TSPAN9: variants seen among roughly 807,000 people sequenced by gnomAD.
The protein encoded by TSPAN9 is tetraspanin-9.
TSPAN9 carries 16 observed loss-of-function variants against 31.0 expected under a neutral mutation model. The observed-to-expected ratio is 0.52, with a 90% CI of 0.35 to 0.78. The LOEUF (loss-of-function observed/expected upper bound fraction) is 0.78, where lower values mean the gene tolerates loss of function less well. TSPAN9 is among the 30% of genes least tolerant of loss of function. The pLI is 0.01. For missense variants in TSPAN9, 272 were observed against 312.5 expected (o/e 0.87, Z 0.98); for synonymous variants, 145 against 121.6 (o/e 1.19, Z -1.27).
At chr12:3,113,737 A>C (rs2098320498) in intron 2 of TSPAN9, among the ~76,000 whole-genome samples, 1 of 152,150 alleles carries the variant, frequency 6.6e-6, no homozygotes, top group African/African-American at 2.4e-5. Flanking sequence ...GCTGCCATGC[A>C]TGCCCTGCCC....
At chr12:3,218,808 CA>C (rs750492329) in intron 3 of TSPAN9, among the ~76,000 whole-genome samples, 1 of 152,320 alleles carries the variant, frequency 6.6e-6, no homozygotes, top group East Asian at 1.9e-4. Context: ...CTGCCAATAA[CA>C]AATGCATCTG....
chr12:3,254,432 C>G (rs964633686), intron 3 of TSPAN9, among the ~76,000 whole-genome samples: 1 of 152,198 alleles, frequency 6.6e-6, no homozygotes, highest in African/African-American at 2.4e-5. Flanking sequence ...CAGCCTTGCC[C>G]CTTCCCCTGG....
chr12:3,112,552 T>C (rs2098319561), intron 2 of TSPAN9, among the ~76,000 whole-genome samples: 1 of 70,700 alleles, frequency 1.4e-5, no homozygotes, highest in Non-Finnish European at 3.2e-5. Flanking sequence ...TAAAAGTTTG[T>C]CAATTTTGTT....
At chr12:3,267,088 C>A (rs368055716) in intron 3 of TSPAN9, among the ~76,000 whole-genome samples, 24 of 152,340 alleles carry the variant, frequency 1.6e-4, no homozygotes, top group African/African-American at 5.3e-4. Flanking sequence ...GTCATGAAGT[C>A]TTCACTGTGT....
chr12:3,166,044 G>A (rs1189558251), intron 2 of TSPAN9, among the ~76,000 whole-genome samples: 1 of 152,142 alleles, frequency 6.6e-6, no homozygotes, highest in Non-Finnish European at 1.5e-5. Flanking sequence ...CTGAGTCAAT[G>A]TTACTCTCTA....
At position 3,192,090 on chromosome 12, in the gene TSPAN9, C is replaced by G. The variant is rs912554214; in HGVS notation, c.-17-9087C>G. The stretch of plus-strand genomic sequence containing the variant: ...GAGCACCGAGAGTTCACGGCTGTGG[C>G]AATAATGGGTGAGCAGAGAATGTTG... On this transcript the variant is annotated intron_variant, in intron 2 of 8. Transcript: ENST00000011898. This position sits in a 1 kb window ranked among gnomAD's most constrained non-coding sequence, Gnocchi z 4.6. Among the ~76,000 whole-genome samples the G allele has an allele frequency of 2.6e-5, 4 of 151,860 alleles. No individual in the cohort carries two copies. The highest frequency in any genetic ancestry group is 4.4e-5 in the Non-Finnish European group (3 of 67,984).
chr12:3,167,236 G>T (rs564543591), intron 2 of TSPAN9, among the ~76,000 whole-genome samples: 34 of 152,268 alleles, frequency 2.2e-4, no homozygotes, highest in South Asian at 1.2e-3. Context: ...TCTCACTAAT[G>T]AGATATCTCA....
chr12:3,085,581 G>C (rs1403842318), intron 2 of TSPAN9, among the ~76,000 whole-genome samples: 1 of 152,152 alleles, frequency 6.6e-6, no homozygotes, highest in Non-Finnish European at 1.5e-5. Flanking sequence ...GACCAGCTCT[G>C]GGGTGGGAGG....
At chr12:3,101,662 T>C (rs576064992) in intron 2 of TSPAN9, among the ~76,000 whole-genome samples, 1 of 152,256 alleles carries the variant, frequency 6.6e-6, no homozygotes, top group South Asian at 2.1e-4. Context: ...CCCTGGGCGG[T>C]GTCTGTGCTC....
chr12:3,136,804 C>T (rs544803455), intron 2 of TSPAN9, among the ~76,000 whole-genome samples: 27 of 152,036 alleles, frequency 1.8e-4, no homozygotes, highest in Non-Finnish European at 3.2e-4. Context: ...CGCAGCCATC[C>T]GCTCCCGCCA....
chr12:3,207,196 G>A (rs2098375759), intron 3 of TSPAN9, among the ~76,000 whole-genome samples: 1 of 152,096 alleles, frequency 6.6e-6, no homozygotes, highest in Admixed American at 6.5e-5. Flanking sequence ...TGTTTTTCTG[G>A]CAGAGACCAC....
intron 3 of TSPAN9, among the ~76,000 whole-genome samples, chr12:3,253,921 C>G (rs1042940923): frequency 6.6e-6 from 1 of 152,154 alleles, no homozygotes; most frequent in Non-Finnish European, 1.5e-5. Context: ...TGCAGACTCT[C>G]GTGCAACAGG....
intron 2 of TSPAN9, among the ~76,000 whole-genome samples, chr12:3,142,308 C>T (rs1327345784): frequency 6.6e-6 from 1 of 152,174 alleles, no homozygotes; most frequent in Non-Finnish European, 1.5e-5. Flanking sequence ...AACTGAGTTT[C>T]CCCTTTTTCT....
intron 2 of TSPAN9, among the ~76,000 whole-genome samples, chr12:3,180,240 G>A (rs140402323): frequency 2.0e-5 from 3 of 152,234 alleles, no homozygotes; most frequent in African/African-American, 4.8e-5. Context: ...TTCTGGGCTC[G>A]GCACAGTGGC....
chr12:3,220,159 A>AAAAAAAAAAAAAAAAAAAAAAAAG, intron 3 of TSPAN9, among the ~76,000 whole-genome samples: 1 of 140,442 alleles, frequency 7.1e-6, no homozygotes, highest in Non-Finnish European at 1.6e-5. Context: ...AAAAAAAAAA[A>AAAAAAAAAAAAAAAAAAAAAAAAG]GGAATGAATC....
At chr12:3,185,444 C>T (rs1266603419) in intron 2 of TSPAN9, among the ~76,000 whole-genome samples, 2 of 152,146 alleles carry the variant, frequency 1.3e-5, no homozygotes, top group Non-Finnish European at 2.9e-5. Context: ...GTAGGCGTGC[C>T]CAATGCAGCT....
chr12:3,085,231 G>A (rs1232280100), intron 2 of TSPAN9, among the ~76,000 whole-genome samples: 4 of 151,792 alleles, frequency 2.6e-5, no homozygotes, highest in African/African-American at 4.8e-5. Context: ...GCGGCAGAGA[G>A]GGAAGGACTT....
chr12:3,208,541 G>A (rs1408484333), intron 3 of TSPAN9, among the ~76,000 whole-genome samples: 2 of 152,186 alleles, frequency 1.3e-5, no homozygotes, highest in African/African-American at 2.4e-5. Context: ...GCCCCCACAG[G>A]CCCTTTGGTG....
intron 3 of TSPAN9, among the ~76,000 whole-genome samples, chr12:3,223,505 G>A (rs927217694): frequency 1.3e-5 from 2 of 152,214 alleles, no homozygotes; most frequent in African/African-American, 4.8e-5. Context: ...CTGCAAGGAT[G>A]CGTTGGGCAT....
Sources: gnomAD v4.1 joint callset for allele counts (sites outside exome capture counted in the v4.1 genomes callset) on GRCh38, gnomAD v4.1.1 for gene constraint, Gnocchi (gnomAD v3.1) non-coding constraint, MANE v1.5 for transcripts, NCBI Gene and HGNC (gene_info 2026-07-23, HGNC 2026-07-21) for gene names.